The following ADAMTS12 variants were observed in gnomAD, a reference collection of about 807,000 sequenced individuals.
The protein encoded by ADAMTS12 is A disintegrin and metalloproteinase with thrombospondin motifs 12.
In ADAMTS12, 118 loss-of-function variants were observed where a neutral mutation model predicts 167.8. That is an observed-to-expected ratio of 0.70 (90% confidence interval 0.61 to 0.82). ADAMTS12 has a LOEUF of 0.82. Among genes scored for constraint, ADAMTS12 ranks in the 40% least tolerant of loss-of-function variants. The probability of loss-of-function intolerance (pLI) is 0.00; values close to 1 mark genes in which losing one functional copy is unlikely to be tolerated. For synonymous variants in ADAMTS12, 704 were observed against 716.9 expected (o/e 0.98, Z 0.29); for missense variants, 1,916 against 1,998.8 (o/e 0.96, Z 0.79).
chr5:33,566,037 C>G (rs755330083), intron 19 of ADAMTS12, among the ~76,000 whole-genome samples: 5 of 152,106 alleles, frequency 3.3e-5, no homozygotes, highest in Non-Finnish European at 7.3e-5. Flanking sequence ...AAATGAATAT[C>G]TGGGTCATCA....
rs1749998323 is a variant in ADAMTS12, at chr5:33,870,486, T to A, written c.489+10633A>T. ...TCATGGCTTCAGCAGGTCCCTCTGT[T>A]TGGGGTCCCTGACTTCCCACAACAG... is the stretch of plus-strand genomic sequence containing the variant. On this transcript the variant is annotated intron_variant, in intron 2 of 23. Transcript: ENST00000504830. Among the ~76,000 whole-genome samples, 3 of 152,206 alleles carry A rather than the reference T, an allele frequency of 2.0e-5. No individual in the cohort carries two copies. In the South Asian group the frequency reaches 6.2e-4, roughly 32 times the overall value.
chr5:33,766,322 C>T lies in ADAMTS12; in HGVS notation c.490-14774G>A, dbSNP rs139930836. On this transcript the variant is annotated intron_variant, in intron 2 of 23. Transcript: ENST00000504830. ...CTGTGTTCTTCTCCAAAATCCATAA[C>T]CCCAGTCTAACCATGAGAAAAACAT... Among the ~76,000 whole-genome samples the T allele has an allele frequency of 7.9e-5, 12 of 152,186 alleles. No homozygotes were observed. In the East Asian group the frequency reaches 1.9e-3, roughly 24 times the overall value.
chr5:33,859,906 T>G lies in ADAMTS12; in HGVS notation c.489+21213A>C, dbSNP rs191830886. The stretch of plus-strand genomic sequence containing the variant: ...GACCTCCAGCAAACTGCAGCAGACC[T>G]GCAGAAGAGGGGCCTGACTGTTGGA... On this transcript the variant is annotated intron_variant, in intron 2 of 23. Coordinates refer to ENST00000504830, the MANE Select transcript of ADAMTS12 (RefSeq NM_030955.4). Among the ~76,000 whole-genome samples, 78 of 152,256 alleles carry G rather than the reference T, an allele frequency of 5.1e-4. No homozygotes were observed. In the East Asian group the frequency reaches 0.015, roughly 29 times the overall value.
At chr5:33,564,088 T>C (rs1745883350) in intron 19 of ADAMTS12, among the ~76,000 whole-genome samples, 1 of 152,232 alleles carries the variant, frequency 6.6e-6, no homozygotes, top group South Asian at 2.1e-4. Flanking sequence ...AGTGGGGCTG[T>C]GGACAGCCTC....
rs1743769318 is a variant in ADAMTS12, at chr5:33,525,420, C to A, written c.*1768G>T. ...TTCACAGGAATTCATGAGAGTAATA[C>A]ACGTTAATGGCTTGGAAAAAAATAA... On this transcript the variant is annotated 3_prime_UTR_variant, in exon 24 of 24. Transcript: ENST00000504830. 6.6e-6 allele frequency: 1 copy of A among 152,114 alleles called. No individual in the cohort carries two copies. Among genetic ancestry groups the A allele is most frequent in the South Asian group, 2.1e-4 (1 of 4,830 alleles). The allele number at this position is 152,114 out of a possible 1,614,324, so 9.4% of individuals were successfully genotyped here. A position where few individuals can be genotyped will look rare whatever the true frequency, so the allele number is the denominator to read the frequency against.
chr5:33,553,011 A>C (rs1023656347), intron 20 of ADAMTS12, among the ~76,000 whole-genome samples: 1 of 151,998 alleles, frequency 6.6e-6, no homozygotes, highest in Non-Finnish European at 1.5e-5. Context: ...TATACAAAAA[A>C]CAAAAAACAA....
chr5:33,595,076 C>T (rs1429209418), intron 17 of ADAMTS12, among the ~76,000 whole-genome samples: 4 of 152,080 alleles, frequency 2.6e-5, no homozygotes, highest in Non-Finnish European at 4.4e-5. Flanking sequence ...ACCAATATTC[C>T]TTCCTTTCTT....
intron 22 of ADAMTS12, among the ~76,000 whole-genome samples, chr5:33,539,881 C>A (rs150791675): frequency 6.6e-6 from 1 of 152,248 alleles, no homozygotes; most frequent in East Asian, 1.9e-4. Context: ...CCAGCGAGAT[C>A]GACACAAGAT....
rs60393220 is a variant in ADAMTS12 at position 33,835,907 on chromosome 5, A to ATCTC, written c.489+45208_489+45211dup. ...CATGATCAAACTGAGGATAATATCC[A>ATCTC]TCTCTCTCTCTCTCTCTCTCTCTCT... On this transcript the variant is annotated intron_variant, in intron 2 of 23. Transcript: ENST00000504830. Among the ~76,000 whole-genome samples, 697 of 111,188 alleles carry ATCTC rather than the reference A, an allele frequency of 6.3e-3. 4 individuals are homozygous for ATCTC. Among genetic ancestry groups the ATCTC allele is most frequent in the East Asian group, 0.019 (67 of 3,572 alleles). 72.9% of individuals were successfully genotyped at this position (111,188 alleles called of 152,430 possible).
chr5:33,762,351 AC>A (rs1243319971), intron 2 of ADAMTS12, among the ~76,000 whole-genome samples: 3 of 151,816 alleles, frequency 2.0e-5, no homozygotes, highest in Non-Finnish European at 4.4e-5. Flanking sequence ...TACTAAAAAT[AC>A]AAAAAGTTAG....
intron 2 of ADAMTS12, among the ~76,000 whole-genome samples, chr5:33,776,363 C>T (rs1023273248): frequency 2.0e-5 from 3 of 152,084 alleles, no homozygotes; most frequent in Non-Finnish European, 4.4e-5. Flanking sequence ...AAAATTACAG[C>T]AGGTATCTTT....
chr5:33,805,925 TAA>T (rs34911453), intron 2 of ADAMTS12, among the ~76,000 whole-genome samples: 82 of 146,386 alleles, frequency 5.6e-4, no homozygotes, highest in African/African-American at 4.5e-4. Flanking sequence ...ACCTCTCATT[TAA>T]AAAAAAAAAA....
At chr5:33,863,892 A>G (rs1749714833) in intron 2 of ADAMTS12, among the ~76,000 whole-genome samples, 1 of 152,230 alleles carries the variant, frequency 6.6e-6, no homozygotes, top group African/African-American at 2.4e-5. Flanking sequence ...GGCCTCAGAA[A>G]TAATGTCACA....
chr5:33,881,931 T>G (rs1183413874), intron 1 of ADAMTS12, among the ~76,000 whole-genome samples: 1 of 152,062 alleles, frequency 6.6e-6, no homozygotes, highest in Non-Finnish European at 1.5e-5. Context: ...ATCCTTTCCA[T>G]CACACAAATA....
At chr5:33,589,281 A>AT (rs376968743) in intron 17 of ADAMTS12, among the ~76,000 whole-genome samples, 6 of 152,326 alleles carry the variant, frequency 3.9e-5, no homozygotes, top group African/African-American at 1.4e-4. Flanking sequence ...ATTTATTGTT[A>AT]TTTTGACCAT....
At chr5:33,859,470 C>T (rs1749523339) in intron 2 of ADAMTS12, among the ~76,000 whole-genome samples, 1 of 152,244 alleles carries the variant, frequency 6.6e-6, no homozygotes, top group South Asian at 2.1e-4. Flanking sequence ...TTCCTCCTCT[C>T]TAAGCAGGGC....
chr5:33,580,970 C>T (rs1477475366), intron 18 of ADAMTS12, among the ~76,000 whole-genome samples: 1 of 152,172 alleles, frequency 6.6e-6, no homozygotes, highest in Non-Finnish European at 1.5e-5. Context: ...TCCAAATAAC[C>T]CAGGATTGCC....
At chr5:33,603,341 G>C (rs1457521814) in intron 16 of ADAMTS12, 1 of 152,212 alleles carries the variant, frequency 6.6e-6, no homozygotes, top group East Asian at 1.9e-4. Context: ...GAATATCTGT[G>C]TCAAGCCATT....
intron 2 of ADAMTS12, among the ~76,000 whole-genome samples, chr5:33,819,508 T>C (rs1310304023): frequency 6.6e-6 from 1 of 152,174 alleles, no homozygotes; most frequent in Non-Finnish European, 1.5e-5. Context: ...ATGTGATGCC[T>C]CCAACTTTGT....
Sources: allele counts gnomAD v4.1 joint callset (sites outside exome capture counted in the v4.1 genomes callset), GRCh38; gene constraint gnomAD v4.1.1; transcripts MANE v1.5; gene names NCBI Gene and HGNC (gene_info 2026-07-23, HGNC 2026-07-21).